ADARB2: variants seen among roughly 807,000 people sequenced by gnomAD.
The protein encoded by ADARB2 is adenosine deaminase RNA specific B2 (inactive).
ADARB2 carries 25 observed loss-of-function variants against 62.2 expected under a neutral mutation model. That is an observed-to-expected ratio of 0.40 (90% CI 0.29 to 0.56). ADARB2 has a LOEUF of 0.56. Among genes scored for constraint, ADARB2 ranks in the 20% least tolerant of loss-of-function variants. The pLI is 0.43. For missense variants in ADARB2, 1,071 were observed against 1,077.4 expected (o/e 0.99, Z 0.08); for synonymous variants, 572 against 500.8 (o/e 1.14, Z -1.90).
chr10:1,403,567 G>A (rs890438464), intron 1 of ADARB2, among the ~76,000 whole-genome samples: 2 of 152,188 alleles, frequency 1.3e-5, no homozygotes, highest in African/African-American at 2.4e-5. Context: ...GTGAGCTAAC[G>A]GGGAAGCCAC....
intron 1 of ADARB2, among the ~76,000 whole-genome samples, chr10:1,625,838 G>A (rs976596228): frequency 1.8e-4 from 17 of 96,908 alleles, no homozygotes; most frequent in African/African-American, 6.8e-4. Flanking sequence ...ACCCAGCACA[G>A]CCATGCCTCC....
At chr10:1,591,282 G>C (rs889828344) in intron 1 of ADARB2, among the ~76,000 whole-genome samples, 3 of 152,176 alleles carry the variant, frequency 2.0e-5, no homozygotes, top group African/African-American at 7.2e-5. Flanking sequence ...CACACTGCAG[G>C]GCTGCTCGGA....
chr10:1,231,835 A>G (rs914916186), intron 6 of ADARB2, among the ~76,000 whole-genome samples: 2 of 152,158 alleles, frequency 1.3e-5, no homozygotes, highest in African/African-American at 4.8e-5. Flanking sequence ...AAAAAGGAGG[A>G]GGAATGTTTC....
intron 7 of ADARB2, among the ~76,000 whole-genome samples, chr10:1,209,550 C>CCATCACCCACACCCACAT (rs1235255035): frequency 1.1e-4 from 4 of 36,124 alleles, no homozygotes; most frequent in Non-Finnish European, 2.8e-4. Context: ...CACACCCATG[C>CCATCACCCACACCCACAT]CATCACCCAC....
At chr10:1,194,858 G>A (rs1836888346) in intron 8 of ADARB2, among the ~76,000 whole-genome samples, 1 of 152,174 alleles carries the variant, frequency 6.6e-6, no homozygotes, top group Non-Finnish European at 1.5e-5. Flanking sequence ...CAACTGGAGT[G>A]TCTGTCCTGC....
intron 1 of ADARB2, among the ~76,000 whole-genome samples, chr10:1,636,718 A>C (rs1833920804): frequency 6.7e-6 from 1 of 150,178 alleles, no homozygotes; most frequent in South Asian, 2.1e-4. Flanking sequence ...CAATATATAG[A>C]TATTTGATAT....
chr10:1,310,424 T>C (rs998987650), intron 3 of ADARB2, among the ~76,000 whole-genome samples: 1 of 147,002 alleles, frequency 6.8e-6, no homozygotes, highest in Non-Finnish European at 1.5e-5. Context: ...CATTCCTTCA[T>C]TGACTCTGAA....
chr10:1,489,520 T>C (rs1241578998), intron 1 of ADARB2, among the ~76,000 whole-genome samples: 1 of 152,238 alleles, frequency 6.6e-6, no homozygotes, highest in Non-Finnish European at 1.5e-5. Context: ...TGCCCATTAG[T>C]AGCGGATCCG....
chr10:1,375,722 C>T (rs936159000), intron 2 of ADARB2, among the ~76,000 whole-genome samples: 3 of 152,220 alleles, frequency 2.0e-5, no homozygotes, highest in African/African-American at 4.8e-5. Flanking sequence ...GACATATGTG[C>T]GTGCACACAT....
rs1564257996 is a variant in ADARB2 at position 1,326,984 on chromosome 10, GGCCCAGCGCCTCCCCACT to G, written c.1077+36026_1077+36043del. Among the ~76,000 whole-genome samples, 6 of 3,990 alleles carry G rather than the reference GGCCCAGCGCCTCCCCACT, an allele frequency of 1.5e-3. 2 individuals carry two copies. Among genetic ancestry groups the G allele is most frequent in the African/African-American group, 2.4e-3 (2 of 828 alleles). The allele number at this position is 3,990 out of a possible 152,430, so 2.6% of individuals were successfully genotyped here. A position where few individuals can be genotyped will look rare whatever the true frequency, so the allele number is the denominator to read the frequency against. On this transcript the variant is annotated intron_variant, in intron 3 of 9. Coordinates refer to ENST00000381312, the MANE Select transcript of ADARB2 (RefSeq NM_018702.4). ...TCCCCACGGCCCAGCGCCTCCCCAC[GGCCCAGCGCCTCCCCACT>G]GCCCAGCGCCTCCCCACGGCACAGC...
At chr10:1,735,899 G>A (rs146252328) in intron 1 of ADARB2, among the ~76,000 whole-genome samples, 136 of 152,280 alleles carry the variant, frequency 8.9e-4, no homozygotes, top group African/African-American at 3.1e-3. Flanking sequence ...ACCTGGTGAC[G>A]GTTCGAGGGC....
At chr10:1,468,824 A>G in intron 1 of ADARB2, among the ~76,000 whole-genome samples, 1 of 152,228 alleles carries the variant, frequency 6.6e-6, no homozygotes, top group East Asian at 1.9e-4. Context: ...TGAGTGGCAA[A>G]CCTCCGTGCC....
At chr10:1,648,137 T>C (rs533242499) in intron 1 of ADARB2, among the ~76,000 whole-genome samples, 1 of 152,360 alleles carries the variant, frequency 6.6e-6, no homozygotes, top group East Asian at 1.9e-4. Context: ...AGCTTCTGTT[T>C]TCTTTTTTCT....
intron 1 of ADARB2, among the ~76,000 whole-genome samples, chr10:1,447,454 C>T (rs1330686725): frequency 6.6e-6 from 1 of 152,192 alleles, no homozygotes; most frequent in Non-Finnish European, 1.5e-5. Flanking sequence ...AAGGATGTCA[C>T]TGTCATTCCA....
chr10:1,204,811 C>T (rs531620674), intron 7 of ADARB2, among the ~76,000 whole-genome samples: 75 of 151,998 alleles, frequency 4.9e-4, no homozygotes, highest in Non-Finnish European at 9.4e-4. Context: ...GTCTGGTGTG[C>T]AGATGGAGGT....
chr10:1,612,335 G>A (rs1403464642), intron 1 of ADARB2, among the ~76,000 whole-genome samples: 1 of 152,224 alleles, frequency 6.6e-6, no homozygotes, highest in Non-Finnish European at 1.5e-5. Flanking sequence ...GGCCATGGCC[G>A]CCCTCCCCAG....
chr10:1,266,669 C>T (rs1032602834), intron 4 of ADARB2, among the ~76,000 whole-genome samples: 2 of 152,170 alleles, frequency 1.3e-5, no homozygotes, highest in African/African-American at 4.8e-5. Flanking sequence ...AGTCTAACGT[C>T]TCGTTCACAA....
chr10:1,395,830 G>T (rs560233481), intron 1 of ADARB2, among the ~76,000 whole-genome samples: 2 of 152,268 alleles, frequency 1.3e-5, no homozygotes, highest in African/African-American at 4.8e-5. Context: ...TGCCTTCAGC[G>T]CCCCCGGCTT....
At chr10:1,503,206 A>G (rs958657599) in intron 1 of ADARB2, among the ~76,000 whole-genome samples, 2 of 152,098 alleles carry the variant, frequency 1.3e-5, no homozygotes. Context: ...GGCTTTCGTG[A>G]AGGGATTTTT....
Sources: gnomAD v4.1 joint callset for allele counts (sites outside exome capture counted in the v4.1 genomes callset) on GRCh38, gnomAD v4.1.1 for gene constraint, MANE v1.5 for transcripts, NCBI Gene and HGNC (gene_info 2026-07-23, HGNC 2026-07-21) for gene names.